BCL11B: variants seen among roughly 807,000 people sequenced by gnomAD.
BCL11B encodes the protein BCL11 transcription factor B.
Under a neutral mutation model 49.9 loss-of-function variants are expected in BCL11B, and 8 were observed. The observed-to-expected ratio is 0.16, with a 90% CI of 0.09 to 0.29. The LOEUF (loss-of-function observed/expected upper bound fraction) is 0.29, where lower values mean the gene tolerates loss of function less well. Among genes scored for constraint, BCL11B ranks in the 10% least tolerant of loss-of-function variants. BCL11B has a pLI of 1.00. For missense variants in BCL11B, 1,006 were observed against 1,351.0 expected (o/e 0.74, Z 4.00); for synonymous variants, 739 against 637.4 (o/e 1.16, Z -2.40).
chr14:99,234,855 C>CA (rs34831762), intron 2 of BCL11B, among the ~76,000 whole-genome samples: 3,064 of 66,050 alleles, frequency 0.046, 55 homozygotes, highest in African/African-American at 0.08. Flanking sequence ...GGTCTATGCA[C>CA]AAAAAAAAAA....
chr14:99,265,419 T>C (rs975358342), intron 1 of BCL11B, among the ~76,000 whole-genome samples: 6 of 152,174 alleles, frequency 3.9e-5, no homozygotes, highest in African/African-American at 1.4e-4. Flanking sequence ...CCTTAAGCCA[T>C]GGGAGATGAA....
chr14:99,253,562 G>A (rs1325291338), intron 2 of BCL11B, among the ~76,000 whole-genome samples: 1 of 152,176 alleles, frequency 6.6e-6, no homozygotes, highest in Non-Finnish European at 1.5e-5. Flanking sequence ...CCGCGGCTCA[G>A]AAGGTCAAGT....
At chr14:99,233,710 C>G (rs1888404100) in intron 2 of BCL11B, among the ~76,000 whole-genome samples, 1 of 152,184 alleles carries the variant, frequency 6.6e-6, no homozygotes, top group African/African-American at 2.4e-5. Flanking sequence ...CTGGAAACGT[C>G]CAAGGTGGGG....
At position 99,191,358 on chromosome 14, in the gene BCL11B, G is replaced by A. The variant is rs367549004; in HGVS notation, c.641-15163C>T. Among the ~76,000 whole-genome samples, 20 of 151,680 alleles carry A rather than the reference G, an allele frequency of 1.3e-4. No individual in the cohort carries two copies. The East Asian group carries it at 1.6e-3, about 12-fold the overall frequency. On this transcript the variant is annotated intron_variant, in intron 3 of 3. Coordinates refer to ENST00000357195, the MANE Select transcript of BCL11B (RefSeq NM_138576.4). Reference sequence around the variant, plus strand: ...AAGTGGGCAGCCCTGGGCCACACCCGTCAACTTAAACACTGGCTTCCTTGT... The same window carrying A: ...AAGTGGGCAGCCCTGGGCCACACCCATCAACTTAAACACTGGCTTCCTTGT...
rs1886480345 is a variant in BCL11B at position 99,175,561 on chromosome 14, C to G, written c.1275G>C (p.Lys425Asn). The stretch of plus-strand genomic sequence containing the variant: ...TGCCGCAGAACTCGCACGACTTGCT[C>G]TTGGCTGGCGGCTGCGGGGGCGGCG... Reference protein sequence around the residue: ...GGTPPPQPPAKSKSCEFCGKT... With the variant: ...GGTPPPQPPANSKSCEFCGKT... Residue 425 changes from lysine (K) to asparagine (N), a missense_variant, in exon 4 of 4, where the codon AAG becomes AAC. Transcript: ENST00000357195. The G allele has an allele frequency of 6.3e-7, 1 of 1,596,184 alleles. No individual in the cohort carries two copies. The highest frequency in any genetic ancestry group is 1.1e-5 in the South Asian group (1 of 90,062).
chr14:99,180,621 A>G lies in BCL11B; in HGVS notation c.641-4426T>C, dbSNP rs1467385541. ...ATGGGAATAATATACCTGGCTCCAG[A>G]GAGGCCTGGGGAGACCAAATGAGCT... On this transcript the variant is annotated intron_variant, in intron 3 of 3. Transcript: ENST00000357195. 3.9e-5 allele frequency among the ~76,000 whole-genome samples: 6 copies of G among 152,218 alleles called. No homozygotes were observed. The East Asian group carries it at 1.2e-3, about 29-fold the overall frequency.
At chr14:99,225,535 C>CCAGCACTGCATT (rs1888135174) in intron 3 of BCL11B, among the ~76,000 whole-genome samples, 5 of 152,154 alleles carry the variant, frequency 3.3e-5, no homozygotes, top group Admixed American at 3.3e-4. Context: ...AGCGCTGCAT[C>CCAGCACTGCATT]CAGCACTGCA....
chr14:99,220,855 A>T (rs942243232), intron 3 of BCL11B, among the ~76,000 whole-genome samples: 4 of 151,774 alleles, frequency 2.6e-5, no homozygotes, highest in South Asian at 2.1e-4. Context: ...TATTTTATTT[A>T]TTTTTTTTAT....
chr14:99,237,074 G>C (rs1314236301), intron 2 of BCL11B, among the ~76,000 whole-genome samples: 1 of 150,778 alleles, frequency 6.6e-6, no homozygotes, highest in Non-Finnish European at 1.5e-5. Flanking sequence ...GCTGTGGGGG[G>C]TGTAGAGGGG....
chr14:99,174,061 G>T lies in BCL11B; in HGVS notation c.*90C>A, dbSNP rs571617943. On this transcript the variant is annotated 3_prime_UTR_variant, in exon 4 of 4. Transcript: ENST00000357195. ...GCCCCGGGGACACGCGGGGTGCGGG[G>T]TGGCGGTGACACGGAGGCAAGTCAG... The T allele has an allele frequency of 3.7e-6, 5 of 1,349,904 alleles. No homozygotes were observed. Among genetic ancestry groups the T allele is most frequent in the Admixed American group, 2.0e-5 (1 of 50,412 alleles). The allele number at this position is 1,349,904 out of a possible 1,614,324, so 83.6% of individuals were successfully genotyped here. A position where few individuals can be genotyped will look rare whatever the true frequency, so the allele number is the denominator to read the frequency against.
chr14:99,239,716 C>G (rs1239608734), intron 2 of BCL11B, among the ~76,000 whole-genome samples: 1 of 152,168 alleles, frequency 6.6e-6, no homozygotes, highest in East Asian at 1.9e-4. Context: ...TGAATCCTGA[C>G]ACGTGTTAAG....
chr14:99,230,506 CG>C (rs1888297585), intron 3 of BCL11B, among the ~76,000 whole-genome samples: 1 of 152,106 alleles, frequency 6.6e-6, no homozygotes, highest in South Asian at 2.1e-4. Context: ...GCCGAGATGC[CG>C]GGGGGACAGA....
At chr14:99,186,596 TG>T (rs1334598966) in intron 3 of BCL11B, among the ~76,000 whole-genome samples, 1 of 152,060 alleles carries the variant, frequency 6.6e-6, no homozygotes, top group Non-Finnish European at 1.5e-5. Flanking sequence ...AAGGCGGAGG[TG>T]GGACTCCAGA....
intron 3 of BCL11B, among the ~76,000 whole-genome samples, chr14:99,202,648 G>A (rs1887419701): frequency 6.6e-6 from 1 of 152,348 alleles, no homozygotes; most frequent in African/African-American, 2.4e-5. Context: ...GCCCTGGGGA[G>A]AGAGCAGAGG....
rs1257435 is a variant in BCL11B, at chr14:99,200,234, T to C, written c.641-24039A>G. On this transcript the variant is annotated intron_variant, in intron 3 of 3. Coordinates refer to ENST00000357195, the MANE Select transcript of BCL11B (RefSeq NM_138576.4). ...GTCCGCAGCCGAGAGAAGAGCCTGCTGTCCTGGTGCAGGAGCACAGGCGCT... is the reference window on the plus strand; with the variant it reads ...GTCCGCAGCCGAGAGAAGAGCCTGCCGTCCTGGTGCAGGAGCACAGGCGCT... Among the ~76,000 whole-genome samples the C allele has an allele frequency of 8.6e-3, 1,303 of 152,334 alleles. 20 individuals carry two copies. Among genetic ancestry groups the C allele is most frequent in the African/African-American group, 0.03 (1,234 of 41,586 alleles).
At chr14:99,264,985 G>A (rs375894143) in intron 1 of BCL11B, among the ~76,000 whole-genome samples, 45 of 152,262 alleles carry the variant, frequency 3.0e-4, no homozygotes, top group African/African-American at 9.9e-4. Flanking sequence ...CCCTGGGACC[G>A]GAAGGAAGCT....
intron 2 of BCL11B, among the ~76,000 whole-genome samples, chr14:99,245,549 C>T (rs1595070008): frequency 2.0e-5 from 3 of 152,252 alleles, no homozygotes; most frequent in Non-Finnish European, 4.4e-5. Flanking sequence ...GGGAACCGCC[C>T]GCTCTGTCCC....
In BCL11B at chr14:99,231,218, G is replaced by A. The variant is rs1399410089; in HGVS notation, c.640+127C>T. 1 of 1,035,888 alleles carries A rather than the reference G, an allele frequency of 9.7e-7. No homozygotes were observed. Among genetic ancestry groups the A allele is most frequent in the East Asian group, 2.7e-5 (1 of 37,734 alleles). The allele number at this position is 1,035,888 out of a possible 1,614,324, so 64.2% of individuals were successfully genotyped here. A position where few individuals can be genotyped will look rare whatever the true frequency, so the allele number is the denominator to read the frequency against. ...GCGAACATTCTTTACCACTTCCCCTGGCACCCCAAAAAGCCTTCTGGGTGG... is the reference window on the plus strand; with the variant it reads ...GCGAACATTCTTTACCACTTCCCCTAGCACCCCAAAAAGCCTTCTGGGTGG... On this transcript the variant is annotated intron_variant, in intron 3 of 3. Transcript: ENST00000357195. The surrounding 1 kb of genome is among the most constrained non-coding windows in gnomAD (Gnocchi z 8.1).
rs1887163361 is a variant in BCL11B, at chr14:99,195,791, A to G, written c.641-19596T>C. Reference sequence around the variant, plus strand: ...TTCCTGTCACCCTTCACCACCCAACACCATCTGACACATAGTAGGTGCTCA... The same window carrying G: ...TTCCTGTCACCCTTCACCACCCAACGCCATCTGACACATAGTAGGTGCTCA... On this transcript the variant is annotated intron_variant, in intron 3 of 3. Coordinates refer to ENST00000357195, the MANE Select transcript of BCL11B (RefSeq NM_138576.4). This position sits in a 1 kb window ranked among gnomAD's most constrained non-coding sequence, Gnocchi z 4.7. 1.3e-5 allele frequency among the ~76,000 whole-genome samples: 2 copies of G among 151,814 alleles called. No homozygotes were observed. The highest frequency in any genetic ancestry group is 1.5e-5 in the Non-Finnish European group (1 of 67,948).
Sources: allele counts gnomAD v4.1 joint callset (sites outside exome capture counted in the v4.1 genomes callset), GRCh38; gene constraint gnomAD v4.1.1; non-coding constraint Gnocchi (gnomAD v3.1); transcripts MANE v1.5; gene names NCBI Gene and HGNC (gene_info 2026-07-23, HGNC 2026-07-21).